The following PTPRD variants were observed in gnomAD, a reference collection of about 807,000 sequenced individuals.
PTPRD encodes receptor-type tyrosine-protein phosphatase delta.
PTPRD carries 34 observed loss-of-function variants against 214.5 expected under a neutral mutation model. That is an observed-to-expected ratio of 0.16 (90% CI 0.12 to 0.21). The LOEUF is 0.21. Ranked by LOEUF, PTPRD falls within the 10% of genes least tolerant of loss-of-function variation. The probability of loss-of-function intolerance (pLI) is 1.00; values close to 1 mark genes in which losing one functional copy is unlikely to be tolerated. For missense variants in PTPRD, 2,545 were observed against 2,398.7 expected, an observed-to-expected ratio of 1.06 and a Z score of -1.27; for synonymous variants, 1,128 against 845.7, an observed-to-expected ratio of 1.33 and a Z score of -5.79.
intron 2 of PTPRD, among the ~76,000 whole-genome samples, chr9:10,455,264 A>G (rs1194361346): frequency 1.3e-5 from 2 of 151,286 alleles, no homozygotes; most frequent in African/African-American, 2.4e-5. Context: ...AAGAATTCCC[A>G]TTGTTCTGCT....
chr9:9,293,790 A>T (rs988161944), intron 9 of PTPRD, among the ~76,000 whole-genome samples: 1 of 151,630 alleles, frequency 6.6e-6, no homozygotes, highest in Non-Finnish European at 1.5e-5. Context: ...CTAAGCAGTT[A>T]TGTACTGCAG....
chr9:9,373,500 C>T (rs1339854067), intron 9 of PTPRD, among the ~76,000 whole-genome samples: 1 of 151,986 alleles, frequency 6.6e-6, no homozygotes, highest in South Asian at 2.1e-4. Flanking sequence ...GGGCTAAACT[C>T]AAAGGGTATT....
intron 14 of PTPRD, among the ~76,000 whole-genome samples, chr9:8,613,669 T>C (rs2095522038): frequency 6.6e-6 from 1 of 152,140 alleles, no homozygotes; most frequent in South Asian, 2.1e-4. Context: ...TCCAGAGTTC[T>C]TCCTGGGACC....
intron 3 of PTPRD, among the ~76,000 whole-genome samples, chr9:10,201,690 C>A (rs1244671234): frequency 6.6e-6 from 1 of 151,864 alleles, no homozygotes; most frequent in African/African-American, 2.4e-5. Flanking sequence ...ATGCAAGGTG[C>A]TGGATATGTT....
chr9:10,252,779 G>A (rs1013487272), intron 3 of PTPRD, among the ~76,000 whole-genome samples: 16 of 152,044 alleles, frequency 1.1e-4, no homozygotes, highest in African/African-American at 3.1e-4. Flanking sequence ...TCACAGAGCC[G>A]AAGTGTATTT....
chr9:10,517,365 T>C (rs961386537), intron 2 of PTPRD, among the ~76,000 whole-genome samples: 1 of 152,044 alleles, frequency 6.6e-6, no homozygotes, highest in Non-Finnish European at 1.5e-5. Context: ...ATTTTGCAGA[T>C]AGTTTTCTGT....
chr9:8,556,810 G>A (rs959875003), intron 14 of PTPRD, among the ~76,000 whole-genome samples: 5 of 152,066 alleles, frequency 3.3e-5, no homozygotes, highest in Admixed American at 1.3e-4. Context: ...TTGGTAAGGA[G>A]GCTAAAAGAG....
At chr9:9,804,916 T>A (rs2099063487) in intron 5 of PTPRD, among the ~76,000 whole-genome samples, 2 of 151,952 alleles carry the variant, frequency 1.3e-5, no homozygotes, top group Admixed American at 1.3e-4. Context: ...TTTATATGAT[T>A]GTTCTAAAGG....
chr9:8,950,399 G>T (rs1290208108), intron 11 of PTPRD, among the ~76,000 whole-genome samples: 4 of 151,784 alleles, frequency 2.6e-5, no homozygotes, highest in Non-Finnish European at 5.9e-5. Context: ...TATGGAGAAG[G>T]GTATGTGAGT....
rs1563891600 is a variant in PTPRD, at chr9:8,321,512, TATATATATATATATAA to T, written c.5535-1562_5535-1547del. On this transcript the variant is annotated intron_variant, in intron 44 of 45. Transcript: ENST00000381196. ...GTATATATATATATATATATATATA[TATATATATATATATAA>T]AAGGTATATGCATCGCAATTCCTTT... is the stretch of plus-strand genomic sequence containing the variant. Among the ~76,000 whole-genome samples the T allele has an allele frequency of 1.2e-3, 157 of 126,088 alleles. 1 individual carries two copies. Among genetic ancestry groups the T allele is most frequent in the African/African-American group, 4.9e-3 (153 of 31,288 alleles). 82.7% of individuals were successfully genotyped at this position (126,088 alleles called of 152,430 possible). A position where few individuals can be genotyped will look rare whatever the true frequency, so the allele number is the denominator to read the frequency against.
At chr9:8,892,560 T>C (rs1038571211) in intron 11 of PTPRD, among the ~76,000 whole-genome samples, 1 of 150,600 alleles carries the variant, frequency 6.6e-6, no homozygotes, top group East Asian at 1.9e-4. Context: ...TATGTGTGTA[T>C]ATATGTGTGT....
intron 11 of PTPRD, among the ~76,000 whole-genome samples, chr9:8,794,744 C>T (rs2096357749): frequency 6.6e-6 from 1 of 151,742 alleles, no homozygotes; most frequent in South Asian, 2.1e-4. Flanking sequence ...ACTGACTTGC[C>T]TCAGAGGAAC....
intron 3 of PTPRD, among the ~76,000 whole-genome samples, chr9:10,051,320 C>T (rs1475843927): frequency 1.3e-5 from 2 of 152,050 alleles, no homozygotes; most frequent in Admixed American, 6.6e-5. Flanking sequence ...GTAACCAGTA[C>T]TCATTCTTCT....
chr9:10,578,751 G>T (rs1320843163), intron 2 of PTPRD, among the ~76,000 whole-genome samples: 2 of 151,960 alleles, frequency 1.3e-5, no homozygotes, highest in Non-Finnish European at 2.9e-5. Flanking sequence ...TTTTATTTTA[G>T]ATTTGGGGGT....
chr9:8,885,510 T>G (rs1395149115), intron 11 of PTPRD, among the ~76,000 whole-genome samples: 3 of 141,808 alleles, frequency 2.1e-5, no homozygotes. Flanking sequence ...TTTTTTTTTT[T>G]TCTGAGACCA....
intron 4 of PTPRD, among the ~76,000 whole-genome samples, chr9:9,973,656 G>T (rs2154052656): frequency 6.6e-6 from 1 of 152,286 alleles, no homozygotes; most frequent in Non-Finnish European, 1.5e-5. Context: ...GGCACTCACA[G>T]ATAGACGAGT....
At chr9:10,510,581 A>G (rs1292051021) in intron 2 of PTPRD, among the ~76,000 whole-genome samples, 1 of 152,042 alleles carries the variant, frequency 6.6e-6, no homozygotes, top group Non-Finnish European at 1.5e-5. Context: ...TCTAATTTTT[A>G]TGAATACATA....
intron 14 of PTPRD, among the ~76,000 whole-genome samples, chr9:8,608,330 T>C (rs918769108): frequency 6.6e-6 from 1 of 152,168 alleles, no homozygotes; most frequent in African/African-American, 2.4e-5. Flanking sequence ...TAGTAAAGTA[T>C]TTTGCTTATA....
At chr9:9,523,633 A>G (rs2097048117) in intron 8 of PTPRD, among the ~76,000 whole-genome samples, 1 of 152,092 alleles carries the variant, frequency 6.6e-6, no homozygotes, top group African/African-American at 2.4e-5. Flanking sequence ...GACTTTCCAA[A>G]GCAAACTATG....
Sources: gnomAD v4.1 joint callset for allele counts (sites outside exome capture counted in the v4.1 genomes callset) on GRCh38, gnomAD v4.1.1 for gene constraint, MANE v1.5 for transcripts, NCBI Gene and HGNC (gene_info 2026-07-23, HGNC 2026-07-21) for gene names.